TMEM38A: variants seen among roughly 807,000 people sequenced by gnomAD.
TMEM38A encodes the protein trimeric intracellular cation channel type A.
TMEM38A carries 17 observed loss-of-function variants against 28.6 expected under a neutral mutation model. The ratio of observed to expected loss-of-function variants is 0.60; its 90% CI spans 0.41 to 0.89. The LOEUF (loss-of-function observed/expected upper bound fraction) is 0.89. Ranked by LOEUF, TMEM38A falls within the 40% of genes least tolerant of loss-of-function variation. TMEM38A has a pLI of 0.00. For missense variants in TMEM38A, 328 were observed against 393.1 expected (o/e 0.83, Z 1.40); for synonymous variants, 169 against 166.1 (o/e 1.02, Z -0.14).
chr19:16,665,552 A>G (rs2086699463), intron 1 of TMEM38A, among the ~76,000 whole-genome samples: 1 of 152,118 alleles, frequency 6.6e-6, no homozygotes, highest in Non-Finnish European at 1.5e-5. Flanking sequence ...TACCACTAGC[A>G]CTGAGTAAAC....
chr19:16,662,436 C>CTT (rs35226829), intron 1 of TMEM38A, among the ~76,000 whole-genome samples: 861 of 75,450 alleles, frequency 0.011, 3 homozygotes, highest in African/African-American at 0.016. Flanking sequence ...TAAATGCACG[C>CTT]TTTTTTTTTT....
intron 2 of TMEM38A, 101 bp downstream of exon 2, chr19:16,680,241 C>A: frequency 6.6e-7 from 1 of 1,516,438 alleles, no homozygotes; most frequent in South Asian, 1.2e-5. Context: ...GCACCAGCAA[C>A]AGCCCTCATG....
intron 1 of TMEM38A, among the ~76,000 whole-genome samples, chr19:16,669,264 T>A (rs2122579259): frequency 6.6e-6 from 1 of 151,126 alleles, no homozygotes; most frequent in Non-Finnish European, 1.5e-5. Flanking sequence ...TGGAGTGCAG[T>A]GGTGTGATCT....
At chr19:16,667,818 C>G (rs1378566100) in intron 1 of TMEM38A, among the ~76,000 whole-genome samples, 1 of 151,488 alleles carries the variant, frequency 6.6e-6, no homozygotes, top group Non-Finnish European at 1.5e-5. Context: ...CAAGATCTTG[C>G]CACTGCACTC....
rs774692677 is a variant in TMEM38A, at chr19:16,661,235, G to A, written c.18G>A (p.Ala6=). MELLS[A]LSLGELALSF... ...CGGGCGCCATGGAGCTGCTCTCGGC[G>A]CTGAGCCTGGGCGAACTGGCGCTCA... The change falls in exon 1 of 6, where the codon GCG becomes GCA. Residue 6 remains alanine, a synonymous_variant. Coordinates refer to ENST00000187762, the MANE Select transcript of TMEM38A (RefSeq NM_024074.4). This position sits in a 1 kb window ranked among gnomAD's most constrained non-coding sequence, Gnocchi z 6.5. 2.5e-6 allele frequency: 4 copies of A among 1,577,704 alleles called. No individual in the cohort carries two copies. In the African/African-American group the frequency reaches 4.2e-5, roughly 16 times the overall value.
In TMEM38A at chr19:16,680,151, C is replaced by T; in HGVS notation, c.281+11C>T. Reference sequence around the variant, plus strand: ...GGCCTCAGCTGTCTGGTAAGCCATGCTGGGCATGGGAGAGCAGAGCCGGGT... The same window carrying T: ...GGCCTCAGCTGTCTGGTAAGCCATGTTGGGCATGGGAGAGCAGAGCCGGGT... On this transcript the variant is annotated intron_variant, in intron 2 of 5. Coordinates refer to ENST00000187762, the MANE Select transcript of TMEM38A (RefSeq NM_024074.4). The T allele has an allele frequency of 6.2e-7, 1 of 1,605,874 alleles. No individual in the cohort carries two copies. Among genetic ancestry groups the T allele is most frequent in the South Asian group, 1.1e-5 (1 of 90,996 alleles).
At chr19:16,671,422 C>G (rs1256507980) in intron 1 of TMEM38A, among the ~76,000 whole-genome samples, 1 of 151,762 alleles carries the variant, frequency 6.6e-6, no homozygotes, top group Non-Finnish European at 1.5e-5. Context: ...AGGCTGGTCT[C>G]AAACTCAAAC....
At chr19:16,678,253 C>A (rs2086761172) in intron 1 of TMEM38A, among the ~76,000 whole-genome samples, 1 of 151,796 alleles carries the variant, frequency 6.6e-6, no homozygotes, top group African/African-American at 2.4e-5. Context: ...ACATGGTGAA[C>A]CCCCATCTCC....
At chr19:16,667,861 G>GAA (rs112685452) in intron 1 of TMEM38A, among the ~76,000 whole-genome samples, 26 of 127,440 alleles carry the variant, frequency 2.0e-4, no homozygotes, top group African/African-American at 4.7e-4. Flanking sequence ...CTCCGTCTCA[G>GAA]AAAAAAAAAA....
Position 16,680,901 on chromosome 19 carries a change from C to G in TMEM38A, c.466+320C>G, listed in dbSNP as rs139669291. The G allele has an allele frequency of 4.8e-3, 1,578 of 330,288 alleles. 20 individuals are homozygous for G. Among genetic ancestry groups the G allele is most frequent in the African/African-American group, 0.028 (1,324 of 47,752 alleles). The allele number at this position is 330,288 out of a possible 1,614,324, so 20.5% of individuals were successfully genotyped here. A position where few individuals can be genotyped will look rare whatever the true frequency, so the allele number is the denominator to read the frequency against. On this transcript the variant is annotated intron_variant, in intron 3 of 5. Coordinates refer to ENST00000187762, the MANE Select transcript of TMEM38A (RefSeq NM_024074.4). Reference sequence around the variant, plus strand: ...TCTTTGTGGTGGGGGCTGCCTTGTGCACTATAGGATGTTGAACAGCACCCC... The same window carrying G: ...TCTTTGTGGTGGGGGCTGCCTTGTGGACTATAGGATGTTGAACAGCACCCC...
At chr19:16,672,215 TAAAA>T (rs948829146) in intron 1 of TMEM38A, among the ~76,000 whole-genome samples, 6 of 151,968 alleles carry the variant, frequency 3.9e-5, no homozygotes, top group Non-Finnish European at 8.8e-5. Flanking sequence ...CTTTGTTTTT[TAAAA>T]AAAGAGATGT....
intron 1 of TMEM38A, among the ~76,000 whole-genome samples, chr19:16,670,992 A>G (rs2086724891): frequency 6.6e-6 from 1 of 152,062 alleles, no homozygotes. Context: ...GGACCCAGGC[A>G]AAGGGGGATA....
chr19:16,676,849 C>T (rs1486141639), intron 1 of TMEM38A, among the ~76,000 whole-genome samples: 1 of 149,142 alleles, frequency 6.7e-6, no homozygotes, highest in Non-Finnish European at 1.5e-5. Flanking sequence ...CAACCTCTGC[C>T]TCCTAGGTTC....
At chr19:16,672,866 G>A (rs2086733715) in intron 1 of TMEM38A, among the ~76,000 whole-genome samples, 1 of 152,078 alleles carries the variant, frequency 6.6e-6, no homozygotes, top group African/African-American at 2.4e-5. Flanking sequence ...GTTCCCAAAG[G>A]ATAAATTTGG....
rs529504337 is a variant in TMEM38A, at chr19:16,675,918, T to C, written c.125-4066T>C. ...TCCCAAAGGCCCGACCTCCTAATGCTATCACAAGCGGGGAGGGGTAGGATT... is the reference window on the plus strand; with the variant it reads ...TCCCAAAGGCCCGACCTCCTAATGCCATCACAAGCGGGGAGGGGTAGGATT... On this transcript the variant is annotated intron_variant, in intron 1 of 5. Coordinates refer to ENST00000187762, the MANE Select transcript of TMEM38A (RefSeq NM_024074.4). Among the ~76,000 whole-genome samples the C allele has an allele frequency of 7.2e-5, 11 of 152,178 alleles. 1 individual carries two copies. The South Asian group carries it at 2.1e-3, about 29-fold the overall frequency.
In TMEM38A at chr19:16,680,508, G is replaced by T. The variant is rs200052295; in HGVS notation, c.393G>T (p.Ala131=). The T allele has an allele frequency of 6.2e-7, 1 of 1,614,058 alleles. No homozygotes were observed. The highest frequency in any genetic ancestry group is 1.7e-5 in the Admixed American group (1 of 59,994). ...MKEVVRVRKI[A]VGIHHAHHHY... Reference sequence around the variant, plus strand: ...AGGTGGTGCGAGTCCGCAAGATCGCGGTGGGCATCCATCACGCCCATCACC... The same window carrying T: ...AGGTGGTGCGAGTCCGCAAGATCGCTGTGGGCATCCATCACGCCCATCACC... The change falls in exon 3 of 6, where the codon GCG becomes GCT. Residue 131 remains alanine (A), a synonymous_variant. Transcript: ENST00000187762.
Position 16,661,958 on chromosome 19 carries a change from C to T in TMEM38A, c.124+617C>T, listed in dbSNP as rs535767723. 2.4e-4 allele frequency among the ~76,000 whole-genome samples: 37 copies of T among 152,184 alleles called. No homozygotes were observed. Among genetic ancestry groups the T allele is most frequent in the Middle Eastern group, 3.4e-3 (1 of 294 alleles). On this transcript the variant is annotated intron_variant, in intron 1 of 5. Coordinates refer to ENST00000187762, the MANE Select transcript of TMEM38A (RefSeq NM_024074.4). The surrounding 1 kb of genome is among the most constrained non-coding windows in gnomAD (Gnocchi z 6.5). ...TCCACTTACGGAGCAGAACCGGCCC[C>T]AAGGCTGGGTGACTTGGGGTCAGTG...
chr19:16,669,633 G>A (rs1204357951), intron 1 of TMEM38A, among the ~76,000 whole-genome samples: 1 of 152,176 alleles, frequency 6.6e-6, no homozygotes, highest in Non-Finnish European at 1.5e-5. Context: ...GCTCCACCTT[G>A]TGAGGGAGAG....
chr19:16,682,398 T>G (rs1395778149), intron 3 of TMEM38A, 23 bp from the exon 4 acceptor site: 15 of 1,611,378 alleles, frequency 9.3e-6, no homozygotes, highest in Non-Finnish European at 1.2e-5. Context: ...GGTGGGCTTG[T>G]TCAGAAGCAC....
Sources: gnomAD v4.1 joint callset for allele counts (sites outside exome capture counted in the v4.1 genomes callset) on GRCh38, gnomAD v4.1.1 for gene constraint, Gnocchi (gnomAD v3.1) non-coding constraint, MANE v1.5 for transcripts, NCBI Gene and HGNC (gene_info 2026-07-23, HGNC 2026-07-21) for gene names.